GRIN2B: variants seen among roughly 807,000 people sequenced by gnomAD.
GRIN2B encodes the protein glutamate receptor ionotropic, NMDA 2B.
GRIN2B carries 5 observed loss-of-function variants against 114.5 expected under a neutral mutation model. The observed-to-expected ratio is 0.04, with a 90% CI of 0.02 to 0.09. The LOEUF is 0.09. Among genes scored for constraint, GRIN2B ranks in the 10% least tolerant of loss-of-function variants. The pLI is 1.00. For synonymous variants in GRIN2B, 787 were observed against 745.1 expected, an observed-to-expected ratio of 1.06 and a Z score of -0.92; for missense variants, 1,108 against 1,943.5, an observed-to-expected ratio of 0.57 and a Z score of 8.08.
At chr12:13,756,294 G>A (rs1160232976) in intron 3 of GRIN2B, among the ~76,000 whole-genome samples, 3 of 152,154 alleles carry the variant, frequency 2.0e-5, no homozygotes, top group African/African-American at 4.8e-5. Context: ...GATTACAGGC[G>A]TGAGCTACTG....
chr12:13,916,544 T>G (rs1444819884), intron 2 of GRIN2B, among the ~76,000 whole-genome samples: 1 of 152,084 alleles, frequency 6.6e-6, no homozygotes, highest in East Asian at 1.9e-4. Context: ...AAAACTGATC[T>G]ACTCATTTGA....
intron 3 of GRIN2B, among the ~76,000 whole-genome samples, chr12:13,788,630 G>A (rs567570732): frequency 2.0e-5 from 3 of 152,116 alleles, no homozygotes; most frequent in Non-Finnish European, 2.9e-5. Flanking sequence ...ACAATTTCAC[G>A]TGCCTCTTAT....
At chr12:13,622,223 A>T (rs1460878964) in intron 5 of GRIN2B, among the ~76,000 whole-genome samples, 1 of 152,228 alleles carries the variant, frequency 6.6e-6, no homozygotes, top group Non-Finnish European at 1.5e-5. Context: ...GCTTGAGATG[A>T]CATCTGGATG....
chr12:13,688,237 G>A (rs921816372), intron 4 of GRIN2B, among the ~76,000 whole-genome samples: 1 of 152,120 alleles, frequency 6.6e-6, no homozygotes, highest in East Asian at 1.9e-4. Flanking sequence ...TTCTAAGATG[G>A]TAGAACTAAA....
Position 13,539,734 on chromosome 12 carries a change from G to A in GRIN2B, c.*23049C>T, listed in dbSNP as rs2136376399. The A allele has an allele frequency of 6.6e-6, 1 of 152,262 alleles. No individual in the cohort carries two copies. Among genetic ancestry groups the A allele is most frequent in the South Asian group, 2.1e-4 (1 of 4,816 alleles). The allele number at this position is 152,262 out of a possible 1,614,324, so 9.4% of individuals were successfully genotyped here. On this transcript the variant is annotated 3_prime_UTR_variant, in exon 14 of 14. Coordinates refer to ENST00000609686, the MANE Select transcript of GRIN2B (RefSeq NM_000834.5). ...TGCTCTATTCCTTTAACAAGTATAT[G>A]TCAAGAAAAAGTTAGAAAGCAAATC...
chr12:13,603,245 A>C (rs797012399), intron 10 of GRIN2B, among the ~76,000 whole-genome samples: 6 of 152,242 alleles, frequency 3.9e-5, no homozygotes, highest in Non-Finnish European at 7.3e-5. Context: ...TTACAATACT[A>C]TCTATCTAAT....
rs998001037 is a variant in GRIN2B at position 13,608,840 on chromosome 12, G to A, written c.1781-8C>T. Reference sequence around the variant, plus strand: ...AAGAGGGTCCACCAGGCTCTGGCATGACAAAAAGACAAGGACGAAAGTTAA... The same window carrying A: ...AAGAGGGTCCACCAGGCTCTGGCATAACAAAAAGACAAGGACGAAAGTTAA... On this transcript the variant is annotated splice_region_variant and splice_polypyrimidine_tract_variant and intron_variant, in intron 9 of 13. Coordinates refer to ENST00000609686, the MANE Select transcript of GRIN2B (RefSeq NM_000834.5). 3 of 1,601,260 alleles carry A rather than the reference G, an allele frequency of 1.9e-6. No individual in the cohort carries two copies. Among genetic ancestry groups the A allele is most frequent in the East Asian group, 2.2e-5 (1 of 44,776 alleles).
At chr12:13,736,593 CT>C (rs1863188191) in intron 4 of GRIN2B, among the ~76,000 whole-genome samples, 2 of 152,046 alleles carry the variant, frequency 1.3e-5, no homozygotes, top group African/African-American at 4.8e-5. Context: ...CGTCTATTTA[CT>C]TTCAAATAAA....
At chr12:13,935,673 T>C (rs931700292) in intron 2 of GRIN2B, among the ~76,000 whole-genome samples, 1 of 152,192 alleles carries the variant, frequency 6.6e-6, no homozygotes, top group African/African-American at 2.4e-5. Context: ...AACTAAATCA[T>C]ACATATAAAG....
At chr12:13,848,607 TG>T (rs1256105371) in intron 3 of GRIN2B, among the ~76,000 whole-genome samples, 1 of 152,172 alleles carries the variant, frequency 6.6e-6, no homozygotes, top group Non-Finnish European at 1.5e-5. Flanking sequence ...GATCACAAAG[TG>T]GCCATGATTG....
chr12:13,867,929 A>T (rs948897432), intron 2 of GRIN2B, among the ~76,000 whole-genome samples: 1 of 151,988 alleles, frequency 6.6e-6, no homozygotes, highest in Non-Finnish European at 1.5e-5. Context: ...TTAAAAATCT[A>T]AAAGTGTTGA....
chr12:13,752,397 A>G (rs1053722447), intron 4 of GRIN2B, among the ~76,000 whole-genome samples: 5 of 152,218 alleles, frequency 3.3e-5, no homozygotes, highest in African/African-American at 1.2e-4. Flanking sequence ...ATGTACATGC[A>G]TAGAGAGATA....
chr12:13,893,028 C>T (rs909107128), intron 2 of GRIN2B, among the ~76,000 whole-genome samples: 6 of 152,062 alleles, frequency 3.9e-5, no homozygotes, highest in South Asian at 2.1e-4. Flanking sequence ...TCCCTGTGAC[C>T]CCTTGAGAAT....
intron 4 of GRIN2B, among the ~76,000 whole-genome samples, chr12:13,717,182 C>G (rs759588796): frequency 1.3e-4 from 20 of 150,774 alleles, no homozygotes; most frequent in Non-Finnish European, 2.7e-4. Context: ...GAGGTATGGA[C>G]AGTTTTACAC....
intron 10 of GRIN2B, among the ~76,000 whole-genome samples, chr12:13,596,827 A>T (rs1326122916): frequency 6.6e-6 from 1 of 152,222 alleles, no homozygotes; most frequent in African/African-American, 2.4e-5. Flanking sequence ...CAGCTGGATA[A>T]TGAGTGGTCT....
intron 4 of GRIN2B, among the ~76,000 whole-genome samples, chr12:13,730,130 C>T (rs187019357): frequency 6.6e-6 from 1 of 151,990 alleles, no homozygotes; most frequent in South Asian, 2.1e-4. Context: ...AGGTGCCATC[C>T]CCAGGCTGGG....
intron 2 of GRIN2B, among the ~76,000 whole-genome samples, chr12:13,883,509 G>A (rs1866100408): frequency 6.6e-6 from 1 of 151,820 alleles, no homozygotes; most frequent in South Asian, 2.1e-4. Flanking sequence ...TTGGTGTTCA[G>A]TGGTAGCTCA....
At chr12:13,951,677 A>G (rs1005195200) in intron 2 of GRIN2B, among the ~76,000 whole-genome samples, 1 of 152,204 alleles carries the variant, frequency 6.6e-6, no homozygotes, top group Admixed American at 6.5e-5. Flanking sequence ...CTTCCATCAC[A>G]GCACTCACCA....
chr12:13,675,151 T>C (rs1347408822), intron 5 of GRIN2B, among the ~76,000 whole-genome samples: 1 of 152,162 alleles, frequency 6.6e-6, no homozygotes, highest in African/African-American at 2.4e-5. Context: ...ATTATTATTT[T>C]CCTTCTCTAG....
Sources: allele counts gnomAD v4.1 joint callset (sites outside exome capture counted in the v4.1 genomes callset), GRCh38; gene constraint gnomAD v4.1.1; transcripts MANE v1.5; gene names NCBI Gene and HGNC (gene_info 2026-07-23, HGNC 2026-07-21).